TMEM178B: variants seen among roughly 807,000 people sequenced by gnomAD.
TMEM178B encodes the protein transmembrane protein 178B.
In TMEM178B, 5 loss-of-function variants were observed where a neutral mutation model predicts 31.0. That is an observed-to-expected ratio of 0.16 (90% CI 0.08 to 0.34). The LOEUF is 0.34. Ranked by LOEUF, TMEM178B falls within the 10% of genes least tolerant of loss-of-function variation. The pLI is 1.00. For synonymous variants in TMEM178B, 164 were observed against 164.0 expected (o/e 1.00, Z 0.00); for missense variants, 275 against 400.3 (o/e 0.69, Z 2.67).
chr7:141,387,730 C>T (rs1386032469), intron 2 of TMEM178B, among the ~76,000 whole-genome samples: 1 of 152,204 alleles, frequency 6.6e-6, no homozygotes, highest in East Asian at 1.9e-4. Context: ...CTGCCCACCT[C>T]CTGCTGCGCT....
At chr7:141,444,841 G>C (rs764598527) in intron 3 of TMEM178B, among the ~76,000 whole-genome samples, 55 of 151,960 alleles carry the variant, frequency 3.6e-4, no homozygotes, top group Non-Finnish European at 6.5e-4. Flanking sequence ...TGTTGAAGAA[G>C]CAGGGGCCCC....
At chr7:141,153,599 T>C (rs1472959061) in intron 1 of TMEM178B, among the ~76,000 whole-genome samples, 1 of 152,224 alleles carries the variant, frequency 6.6e-6, no homozygotes, top group Non-Finnish European at 1.5e-5. Context: ...ATGATAATAT[T>C]CATTCTTCAC....
chr7:141,409,025 C>T (rs1217201266), intron 2 of TMEM178B, among the ~76,000 whole-genome samples: 4 of 152,148 alleles, frequency 2.6e-5, no homozygotes, highest in African/African-American at 4.8e-5. Context: ...ACAGCAGCCA[C>T]GCCACTGAAG....
At chr7:141,286,718 C>T (rs1422436343) in intron 2 of TMEM178B, among the ~76,000 whole-genome samples, 1 of 152,140 alleles carries the variant, frequency 6.6e-6, no homozygotes, top group Non-Finnish European at 1.5e-5. Context: ...GACCCTGAGC[C>T]AGCACTAGAA....
chr7:141,418,552 C>T (rs1359496414), intron 2 of TMEM178B, among the ~76,000 whole-genome samples: 2 of 152,158 alleles, frequency 1.3e-5, no homozygotes, highest in Non-Finnish European at 2.9e-5. Context: ...CCTGTTAGTT[C>T]CTTCACTTCC....
At chr7:141,444,995 C>T (rs1444440051) in intron 3 of TMEM178B, among the ~76,000 whole-genome samples, 1 of 152,100 alleles carries the variant, frequency 6.6e-6, no homozygotes, top group Non-Finnish European at 1.5e-5. Context: ...GAGACCGCGG[C>T]CAGAACCAAG....
intron 2 of TMEM178B, among the ~76,000 whole-genome samples, chr7:141,336,378 G>A (rs576678367): frequency 1.3e-5 from 2 of 152,282 alleles, no homozygotes; most frequent in East Asian, 3.9e-4. Flanking sequence ...CGTGGGAAAT[G>A]CTGAGCTTTT....
chr7:141,295,038 C>T (rs778845041), intron 2 of TMEM178B, among the ~76,000 whole-genome samples: 11 of 152,136 alleles, frequency 7.2e-5, no homozygotes, highest in Non-Finnish European at 1.5e-4. Context: ...TTGCTGCCCT[C>T]AATATGGGTT....
intron 1 of TMEM178B, among the ~76,000 whole-genome samples, chr7:141,124,084 A>G (rs1393134764): frequency 6.6e-6 from 1 of 151,638 alleles, no homozygotes; most frequent in Non-Finnish European, 1.5e-5. Flanking sequence ...GGTTTCAAAC[A>G]GGCTGGGTGC....
intron 1 of TMEM178B, among the ~76,000 whole-genome samples, chr7:141,157,040 C>A (rs887925055): frequency 1.3e-5 from 2 of 152,204 alleles, no homozygotes; most frequent in African/African-American, 2.4e-5. Flanking sequence ...CTGGGGCCAG[C>A]AGACGACCCT....
At chr7:141,334,946 TAGG>T (rs780315110) in intron 2 of TMEM178B, among the ~76,000 whole-genome samples, 6 of 152,242 alleles carry the variant, frequency 3.9e-5, no homozygotes, top group Non-Finnish European at 7.3e-5. Flanking sequence ...GGGCAGGTCC[TAGG>T]AGAAGTGGGG....
chr7:141,399,270 T>C (rs1349028326), intron 2 of TMEM178B, among the ~76,000 whole-genome samples: 1 of 152,240 alleles, frequency 6.6e-6, no homozygotes, highest in Non-Finnish European at 1.5e-5. Context: ...GGACTTTGGC[T>C]GCAGCTGTCT....
chr7:141,105,580 A>G (rs954295208), intron 1 of TMEM178B, among the ~76,000 whole-genome samples: 4 of 152,346 alleles, frequency 2.6e-5, no homozygotes, highest in Middle Eastern at 3.4e-3. Flanking sequence ...AATGCACATT[A>G]ATATCATTTT....
chr7:141,507,716 C>T, the TMEM178B span, among the ~76,000 whole-genome samples: 1 of 152,248 alleles, frequency 6.6e-6, no homozygotes, highest in African/African-American at 2.4e-5. Flanking sequence ...CTCAACACCA[C>T]ATGGAAGCTG....
intron 2 of TMEM178B, among the ~76,000 whole-genome samples, chr7:141,426,687 A>G (rs935068208): frequency 1.2e-4 from 18 of 152,284 alleles, no homozygotes; most frequent in African/African-American, 4.3e-4. Flanking sequence ...TTAGGGATCA[A>G]AGCTCCAACT....
chr7:141,422,737 C>T lies in TMEM178B; in HGVS notation c.497-14871C>T, dbSNP rs373249419. ...TGAGCCAGCTACCACCAGCTTGAGA[C>T]GTGCAGTGGCTGGAGTGGGGAAGCT... On this transcript the variant is annotated intron_variant, in intron 2 of 3. Transcript: ENST00000565468. The surrounding 1 kb of genome is among the most constrained non-coding windows in gnomAD (Gnocchi z 4.2). Among the ~76,000 whole-genome samples the T allele has an allele frequency of 1.3e-5, 2 of 152,162 alleles. No homozygotes were observed. Among genetic ancestry groups the T allele is most frequent in the Non-Finnish European group, 1.5e-5 (1 of 68,034 alleles).
At position 141,369,669 on chromosome 7, in the gene TMEM178B, A is replaced by G. The variant is rs534892513; in HGVS notation, c.497-67939A>G. On this transcript the variant is annotated intron_variant, in intron 2 of 3. Coordinates refer to ENST00000565468, the MANE Select transcript of TMEM178B (RefSeq NM_001195278.2). The stretch of plus-strand genomic sequence containing the variant: ...AGACTGGCTGTGAGCCCAGGTTTAC[A>G]GAAGTTCACTTCAGACAAATACATT... Among the ~76,000 whole-genome samples the G allele has an allele frequency of 5.1e-4, 77 of 152,324 alleles. 1 individual carries two copies. The Middle Eastern group carries it at 0.01, about 20-fold the overall frequency.
chr7:141,085,421 C>T (rs534849281), intron 1 of TMEM178B, among the ~76,000 whole-genome samples: 2 of 152,184 alleles, frequency 1.3e-5, no homozygotes, highest in South Asian at 4.1e-4. Flanking sequence ...AGAAGTTTGA[C>T]AGATTTGCTG....
chr7:141,104,818 C>G (rs1183994934), intron 1 of TMEM178B, among the ~76,000 whole-genome samples: 1 of 152,092 alleles, frequency 6.6e-6, no homozygotes, highest in African/African-American at 2.4e-5. Flanking sequence ...ATAAGGACAC[C>G]AGTTGTATTG....
Sources: allele counts gnomAD v4.1 joint callset (sites outside exome capture counted in the v4.1 genomes callset), GRCh38; gene constraint gnomAD v4.1.1; non-coding constraint Gnocchi (gnomAD v3.1); transcripts MANE v1.5; gene names NCBI Gene and HGNC (gene_info 2026-07-23, HGNC 2026-07-21).